Variants in LRRC8C observed in about 807,000 individuals in gnomAD.
The protein encoded by LRRC8C is leucine rich repeat containing 8 VRAC subunit C, also known as volume-regulated anion channel subunit LRRC8C.
A neutral mutation model predicts 55.3 loss-of-function variants in LRRC8C; 20 were observed. The observed-to-expected ratio is 0.36, with a 90% CI of 0.25 to 0.53. LRRC8C has a LOEUF of 0.53. Ranked by LOEUF, LRRC8C falls within the 20% of genes least tolerant of loss-of-function variation. The pLI, the probability that LRRC8C is intolerant of heterozygous loss-of-function variation, is 0.92. For missense variants in LRRC8C, 659 were observed against 951.4 expected (o/e 0.69, Z 4.04); for synonymous variants, 376 against 360.7 (o/e 1.04, Z -0.48).
At chr1:89,684,094 C>T (rs1350984049) in intron 1 of LRRC8C, among the ~76,000 whole-genome samples, 2 of 151,956 alleles carry the variant, frequency 1.3e-5, no homozygotes, top group African/African-American at 4.8e-5. Context: ...ATATATATTA[C>T]ATTTATTGGT....
At chr1:89,690,789 T>C (rs1451023762) in intron 2 of LRRC8C, among the ~76,000 whole-genome samples, 3 of 152,132 alleles carry the variant, frequency 2.0e-5, no homozygotes, top group Non-Finnish European at 4.4e-5. Flanking sequence ...GCTTTTGGGC[T>C]CCCCGCTGAC....
the LRRC8C span, among the ~76,000 whole-genome samples, chr1:89,617,069 C>T: frequency 3.9e-5 from 6 of 152,180 alleles, no homozygotes; most frequent in Non-Finnish European, 8.8e-5. Flanking sequence ...AATAAATAGG[C>T]AGGGCCCTCC....
At chr1:89,652,824 T>C (rs1462849641) in intron 1 of LRRC8C, among the ~76,000 whole-genome samples, 2 of 151,974 alleles carry the variant, frequency 1.3e-5, no homozygotes, top group Non-Finnish European at 2.9e-5. Context: ...TTGCAATATA[T>C]AAACATCTGA....
At chr1:89,617,418 C>T in the LRRC8C span, among the ~76,000 whole-genome samples, 2 of 152,152 alleles carry the variant, frequency 1.3e-5, no homozygotes, top group Non-Finnish European at 2.9e-5. Flanking sequence ...GGCATGATTC[C>T]TTAGCATGAG....
intron 2 of LRRC8C, among the ~76,000 whole-genome samples, chr1:89,692,826 A>G (rs140463084): frequency 2.3e-4 from 35 of 152,338 alleles, no homozygotes; most frequent in African/African-American, 8.2e-4. Context: ...AACACATTCA[A>G]CAAAATAGAC....
rs1658824990 is a variant in LRRC8C, at chr1:89,716,517, C to G, written c.*1535C>G. 6.6e-6 allele frequency: 1 copy of G among 152,094 alleles called. No individual in the cohort carries two copies. The highest frequency in any genetic ancestry group is 1.5e-5 in the Non-Finnish European group (1 of 68,004). 9.4% of individuals were successfully genotyped at this position (152,094 alleles called of 1,614,324 possible). A position where few individuals can be genotyped will look rare whatever the true frequency, so the allele number is the denominator to read the frequency against. The stretch of plus-strand genomic sequence containing the variant: ...GACCATCAGCAGAGCTTTTATTTAC[C>G]TTTGTAATTAAAATCCAACATAGCA... On this transcript the variant is annotated 3_prime_UTR_variant, in exon 3 of 3. Coordinates refer to ENST00000370454, the MANE Select transcript of LRRC8C (RefSeq NM_032270.5).
At chr1:89,659,626 GTAAT>G (rs138707841) in intron 1 of LRRC8C, among the ~76,000 whole-genome samples, 5,696 of 152,194 alleles carry the variant, frequency 0.037, 319 homozygotes, top group African/African-American at 0.13. Context: ...TACAGTAACA[GTAAT>G]TAATTGTTAC....
At chr1:89,641,350 A>T (rs1210870011) in intron 1 of LRRC8C, among the ~76,000 whole-genome samples, 3 of 152,240 alleles carry the variant, frequency 2.0e-5, no homozygotes, top group Non-Finnish European at 2.9e-5. Flanking sequence ...ACCTAGATTT[A>T]AAAAATGTGG....
At chr1:89,661,586 A>G (rs1570704144) in intron 1 of LRRC8C, among the ~76,000 whole-genome samples, 1 of 152,182 alleles carries the variant, frequency 6.6e-6, no homozygotes, top group Non-Finnish European at 1.5e-5. Flanking sequence ...TAATTAACAG[A>G]TATCTGGTGA....
Position 89,713,707 on chromosome 1 carries a change from G to A in LRRC8C, c.1137G>A (p.Gln379=), listed in dbSNP as rs777154736. 6 of 1,614,162 alleles carry A rather than the reference G, an allele frequency of 3.7e-6. No homozygotes were observed. Among genetic ancestry groups the A allele is most frequent in the Non-Finnish European group, 5.1e-6 (6 of 1,180,036 alleles). ...DFAFMLHMID[Q]YDPLYSKRFA... ...CTTTTATGCTTCATATGATAGATCA[G>A]TATGACCCTCTCTATTCCAAGAGAT... is the stretch of plus-strand genomic sequence containing the variant. The change falls in exon 3 of 3, where the codon CAG becomes CAA. Residue 379 remains glutamine, a synonymous_variant. Transcript: ENST00000370454. The surrounding 1 kb of genome is among the most constrained non-coding windows in gnomAD (Gnocchi z 5.2).
chr1:89,668,211 CT>C (rs960686597), intron 1 of LRRC8C: 1 of 152,530 alleles, frequency 6.6e-6, no homozygotes, highest in African/African-American at 2.4e-5. Context: ...GCACCAAGTT[CT>C]TGGAAATCAC....
At chr1:89,625,046 T>C in the LRRC8C span, 4 of 152,024 alleles carry the variant, frequency 2.6e-5, no homozygotes, top group Admixed American at 6.6e-5. Flanking sequence ...GCTCTCTCAG[T>C]GGGATGGATG....
At chr1:89,682,329 C>T (rs1207961341) in intron 1 of LRRC8C, among the ~76,000 whole-genome samples, 1 of 152,096 alleles carries the variant, frequency 6.6e-6, no homozygotes, top group African/African-American at 2.4e-5. Context: ...TCTTAGATGC[C>T]TTAGTTTGAC....
intron 1 of LRRC8C, among the ~76,000 whole-genome samples, chr1:89,655,716 T>C (rs927628863): frequency 1.4e-4 from 22 of 152,170 alleles, no homozygotes; most frequent in African/African-American, 4.8e-4. Flanking sequence ...AAGATAACAC[T>C]AATGCATGCA....
rs1658873729 is a variant in LRRC8C, at chr1:89,718,005, G to C, written c.*3023G>C. The C allele has an allele frequency of 6.6e-6, 1 of 152,146 alleles. No individual in the cohort carries two copies. Among genetic ancestry groups the C allele is most frequent in the Non-Finnish European group, 1.5e-5 (1 of 68,000 alleles). 9.4% of individuals were successfully genotyped at this position (152,146 alleles called of 1,614,324 possible). ...ACAAACAATTGTTTGGTGATGGCCT[G>C]GTTGAAAGAGAGCATATAAATATAT... is the stretch of plus-strand genomic sequence containing the variant. On this transcript the variant is annotated 3_prime_UTR_variant, in exon 3 of 3. Coordinates refer to ENST00000370454, the MANE Select transcript of LRRC8C (RefSeq NM_032270.5).
At chr1:89,656,658 T>C (rs1656951182) in intron 1 of LRRC8C, among the ~76,000 whole-genome samples, 1 of 152,154 alleles carries the variant, frequency 6.6e-6, no homozygotes, top group African/African-American at 2.4e-5. Flanking sequence ...GAATTGGCCT[T>C]GAGGCAATTC....
At chr1:89,646,917 T>C (rs1290942454) in intron 1 of LRRC8C, among the ~76,000 whole-genome samples, 1 of 152,220 alleles carries the variant, frequency 6.6e-6, no homozygotes, top group African/African-American at 2.4e-5. Flanking sequence ...CATGAAGATA[T>C]GTAAAATTTA....
rs75382206 is a variant in LRRC8C at position 89,703,547 on chromosome 1, TAAAA to T, written c.139-9149_139-9146del. On this transcript the variant is annotated intron_variant, in intron 2 of 2. Transcript: ENST00000370454. ...AACAAACACAATCAAGTACAGATTG[TAAAA>T]AAAAAAAAAAAAGTTTCAAAAGAAA... 7.9e-5 allele frequency among the ~76,000 whole-genome samples: 10 copies of T among 126,724 alleles called. No individual in the cohort carries two copies. In the South Asian group the frequency reaches 1.5e-3, roughly 19 times the overall value. 83.1% of individuals were successfully genotyped at this position (126,724 alleles called of 152,430 possible). A position where few individuals can be genotyped will look rare whatever the true frequency, so the allele number is the denominator to read the frequency against.
intron 1 of LRRC8C, among the ~76,000 whole-genome samples, chr1:89,671,285 AGGGAAGAAG>A (rs1657406320): frequency 6.6e-6 from 1 of 151,998 alleles, no homozygotes; most frequent in African/African-American, 2.4e-5. Flanking sequence ...AAGGTTAGGG[AGGGAAGAAG>A]GTTAGAGAGG....
Sources: allele counts gnomAD v4.1 joint callset (sites outside exome capture counted in the v4.1 genomes callset), GRCh38; gene constraint gnomAD v4.1.1; non-coding constraint Gnocchi (gnomAD v3.1); transcripts MANE v1.5; gene names NCBI Gene and HGNC (gene_info 2026-07-23, HGNC 2026-07-21).